The following COL5A2 variants were observed in gnomAD, a reference collection of about 807,000 sequenced individuals.
COL5A2 encodes the protein collagen alpha-2(V) chain.
COL5A2 carries 23 observed loss-of-function variants against 208.2 expected under a neutral mutation model. The observed-to-expected ratio is 0.11, with a 90% CI of 0.08 to 0.16. The LOEUF (loss-of-function observed/expected upper bound fraction) is 0.16, where lower values mean the gene tolerates loss of function less well. COL5A2 is among the 10% of genes least tolerant of loss of function. The pLI is 1.00. For missense variants in COL5A2, 1,590 were observed against 1,956.4 expected, an observed-to-expected ratio of 0.81 and a Z score of 3.53; for synonymous variants, 625 against 628.5, an observed-to-expected ratio of 0.99 and a Z score of 0.08.
upstream of COL5A2, among the ~76,000 whole-genome samples, chr2:189,180,650 G>A (rs76245490): frequency 6.6e-6 from 1 of 152,230 alleles, no homozygotes; most frequent in East Asian, 1.9e-4. Flanking sequence ...AGTGTACAGG[G>A]TTTAGTGACA....
the COL5A2 span, among the ~76,000 whole-genome samples, chr2:189,427,391 C>T: frequency 6.6e-6 from 1 of 152,148 alleles, no homozygotes; most frequent in Non-Finnish European, 1.5e-5. Flanking sequence ...AATGTCCAGG[C>T]AGAAGCCAGC....
At chr2:189,043,380 G>A (rs1007769806) in intron 47 of COL5A2, 122 bp from the exon 48 acceptor site, 14 of 645,530 alleles carry the variant, frequency 2.2e-5, no homozygotes, top group Non-Finnish European at 3.0e-5. Context: ...ATTTTATATG[G>A]ATTAATATAT....
rs558560642 is a variant in COL5A2 at position 189,164,158 on chromosome 2, T to C, written c.97+15350A>G. Among the ~76,000 whole-genome samples, 13 of 152,250 alleles carry C rather than the reference T, an allele frequency of 8.5e-5. 1 individual carries two copies. The highest frequency in any genetic ancestry group is 3.1e-4 in the African/African-American group (13 of 41,552). ...ACCAGTTTAAACTTCTAGCTCTCAG[T>C]CACCTTCTGACCCAGAGAAAAGGGA... On this transcript the variant is annotated intron_variant, in intron 1 of 53. Coordinates refer to ENST00000374866, the MANE Select transcript of COL5A2 (RefSeq NM_000393.5).
chr2:189,372,009 A>T, the COL5A2 span, among the ~76,000 whole-genome samples: 2 of 152,202 alleles, frequency 1.3e-5, no homozygotes, highest in Non-Finnish European at 2.9e-5. Context: ...AGGCCAAGGA[A>T]TAAAGAATGT....
intron 16 of COL5A2, 62 bp downstream of exon 16, chr2:189,078,454 C>A: frequency 7.3e-7 from 1 of 1,368,994 alleles, no homozygotes; most frequent in Non-Finnish European, 1.0e-6. Context: ...TTCAGTAAAC[C>A]AAATCTGAAA....
intron 1 of COL5A2, among the ~76,000 whole-genome samples, chr2:189,206,926 C>T (rs528023797): frequency 4.3e-4 from 65 of 152,250 alleles, no homozygotes; most frequent in African/African-American, 1.5e-3. Flanking sequence ...ATGCAGAAGC[C>T]TAAATTAAAA....
the COL5A2 span, among the ~76,000 whole-genome samples, chr2:189,347,643 A>G: frequency 0.036 from 5,539 of 152,198 alleles, 117 homozygotes; most frequent in Admixed American, 0.05. Flanking sequence ...ATCTGCTGCC[A>G]TGGACTTATT....
chr2:189,266,766 T>C, the COL5A2 span, among the ~76,000 whole-genome samples: 1 of 152,136 alleles, frequency 6.6e-6, no homozygotes, highest in Non-Finnish European at 1.5e-5. Flanking sequence ...GGTGAATTTA[T>C]GGTATATGAG....
chr2:189,390,798 T>C, the COL5A2 span, among the ~76,000 whole-genome samples: 3 of 152,152 alleles, frequency 2.0e-5, no homozygotes, highest in African/African-American at 7.2e-5. Context: ...AAAGTAAGGA[T>C]AGAGGTAGCA....
the COL5A2 span, chr2:189,311,378 A>G: frequency 2.1e-6 from 2 of 970,850 alleles, no homozygotes. Context: ...GGCATCACCA[A>G]GATTGAAGTC....
At chr2:189,392,731 C>A in the COL5A2 span, among the ~76,000 whole-genome samples, 1 of 152,088 alleles carries the variant, frequency 6.6e-6, no homozygotes, top group African/African-American at 2.4e-5. Context: ...GTGATAGGCA[C>A]AGTAAATCAT....
intron 1 of COL5A2, among the ~76,000 whole-genome samples, chr2:189,124,407 G>A (rs1687569351): frequency 6.6e-6 from 1 of 152,088 alleles, no homozygotes; most frequent in South Asian, 2.1e-4. Context: ...GTAAATGATT[G>A]CATACCAACT....
chr2:189,088,865 T>C (rs1213571334), intron 7 of COL5A2, 93 bp from the exon 8 acceptor site: 1 of 965,260 alleles, frequency 1.0e-6, no homozygotes, highest in African/African-American at 1.6e-5. Flanking sequence ...CTAGAATTCT[T>C]ATAGAATGAC....
the COL5A2 span, among the ~76,000 whole-genome samples, chr2:189,332,353 T>C: frequency 1.3e-5 from 2 of 152,174 alleles, no homozygotes; most frequent in African/African-American, 2.4e-5. Context: ...TTTTCAGGAA[T>C]ATATGGAACA....
At chr2:189,328,865 G>A in the COL5A2 span, among the ~76,000 whole-genome samples, 1 of 152,204 alleles carries the variant, frequency 6.6e-6, no homozygotes, top group African/African-American at 2.4e-5. Context: ...TTTTGGAAGT[G>A]ATTGACAACT....
the COL5A2 span, among the ~76,000 whole-genome samples, chr2:189,402,044 T>C: frequency 6.6e-6 from 1 of 152,200 alleles, no homozygotes; most frequent in Non-Finnish European, 1.5e-5. Flanking sequence ...CTGGTTACTT[T>C]TGTTGCACAG....
Position 189,039,539 on chromosome 2 carries a change from G to C in COL5A2, c.3658C>G (p.Pro1220Ala). Residue 1220 changes from proline to alanine, a missense_variant, in exon 51 of 54, where the codon CCT (proline) becomes GCT (alanine). Transcript: ENST00000374866. ...TGGCCAGGGGGACCCGGAGGGCCAGGTGGGCCAGGCTCACCAGGAGGGCCC... is the reference window on the plus strand; with the variant it reads ...TGGCCAGGGGGACCCGGAGGGCCAGCTGGGCCAGGCTCACCAGGAGGGCCC... ...PEGPPGEPGP[P>A]GPPGPPGHLT... 1 of 1,613,884 alleles carries C rather than the reference G, an allele frequency of 6.2e-7. No individual in the cohort carries two copies. Among genetic ancestry groups the C allele is most frequent in the South Asian group, 1.1e-5 (1 of 91,058 alleles).
At chr2:189,379,496 G>C in the COL5A2 span, among the ~76,000 whole-genome samples, 1 of 151,996 alleles carries the variant, frequency 6.6e-6, no homozygotes, top group African/African-American at 2.4e-5. Context: ...CATTATCAAA[G>C]GCCACAGAGA....
the COL5A2 span, among the ~76,000 whole-genome samples, chr2:189,375,157 C>T: frequency 6.6e-6 from 1 of 151,890 alleles, no homozygotes; most frequent in African/African-American, 2.4e-5. Flanking sequence ...GTTGGGATTA[C>T]AGGTGTGCGC....
Sources: allele counts gnomAD v4.1 joint callset (sites outside exome capture counted in the v4.1 genomes callset), GRCh38; gene constraint gnomAD v4.1.1; transcripts MANE v1.5; gene names NCBI Gene and HGNC (gene_info 2026-07-23, HGNC 2026-07-21).